Variants in ATRNL1 observed in about 807,000 individuals in gnomAD.
ATRNL1 encodes attractin-like protein 1.
ATRNL1 carries 95 observed loss-of-function variants against 182.7 expected under a neutral mutation model. The observed-to-expected ratio is 0.52, with a 90% confidence interval of 0.44 to 0.62. The LOEUF (loss-of-function observed/expected upper bound fraction) is 0.62, where lower values mean the gene tolerates loss of function less well. Among genes scored for constraint, ATRNL1 ranks in the 20% least tolerant of loss-of-function variants. ATRNL1 has a pLI of 0.00. For missense variants in ATRNL1, 1,471 were observed against 1,679.5 expected (o/e 0.88, Z 2.17); for synonymous variants, 576 against 568.3 (o/e 1.01, Z -0.19).
chr10:115,406,922 C>A (rs1284985361), intron 20 of ATRNL1, among the ~76,000 whole-genome samples: 3 of 151,932 alleles, frequency 2.0e-5, no homozygotes, highest in African/African-American at 4.8e-5. Context: ...TTTAAAAATT[C>A]TTTCTGTTCT....
intron 24 of ATRNL1, among the ~76,000 whole-genome samples, chr10:115,492,631 T>C (rs1210535536): frequency 1.4e-5 from 2 of 145,314 alleles, no homozygotes; most frequent in African/African-American, 5.1e-5. Context: ...ATTCTTTCAT[T>C]TTTACTAAAG....
At chr10:115,782,342 G>A (rs1949285139) in intron 27 of ATRNL1, among the ~76,000 whole-genome samples, 1 of 152,018 alleles carries the variant, frequency 6.6e-6, no homozygotes, top group Admixed American at 6.6e-5. Context: ...GAATAAACAG[G>A]GCAAAATGAA....
At chr10:115,922,997 TATG>T (rs1953113005) in intron 28 of ATRNL1, among the ~76,000 whole-genome samples, 1 of 152,180 alleles carries the variant, frequency 6.6e-6, no homozygotes, top group Non-Finnish European at 1.5e-5. Context: ...CGTAAAGGAA[TATG>T]AATAATTTCC....
chr10:115,561,323 G>C (rs1853693876), intron 26 of ATRNL1, among the ~76,000 whole-genome samples: 1 of 152,114 alleles, frequency 6.6e-6, no homozygotes, highest in Admixed American at 6.5e-5. Context: ...ACTTAAAAAT[G>C]TATAAAGAAT....
chr10:115,220,731 G>C (rs1173437371), intron 9 of ATRNL1, among the ~76,000 whole-genome samples: 2 of 101,164 alleles, frequency 2.0e-5, no homozygotes, highest in African/African-American at 3.4e-5. Flanking sequence ...TAATGGGGGG[G>C]GGGGGGCGGG....
intron 19 of ATRNL1, among the ~76,000 whole-genome samples, chr10:115,348,153 T>C (rs1554940302): frequency 6.6e-6 from 1 of 152,074 alleles, no homozygotes; most frequent in African/African-American, 2.4e-5. Flanking sequence ...TTTGTATTTT[T>C]AGTAGAGATG....
chr10:115,102,766 C>T (rs1216624916), intron 1 of ATRNL1, among the ~76,000 whole-genome samples: 4 of 152,046 alleles, frequency 2.6e-5, no homozygotes, highest in Non-Finnish European at 5.9e-5. Context: ...TGAGATTCCC[C>T]CAACTTTATT....
intron 20 of ATRNL1, among the ~76,000 whole-genome samples, chr10:115,414,800 G>A (rs2134352400): frequency 6.6e-6 from 1 of 151,816 alleles, no homozygotes; most frequent in East Asian, 1.9e-4. Context: ...ACTCTTTTGA[G>A]TTTTACATTT....
intron 19 of ATRNL1, among the ~76,000 whole-genome samples, chr10:115,336,075 G>T (rs1855466276): frequency 6.6e-6 from 1 of 152,048 alleles, no homozygotes; most frequent in Non-Finnish European, 1.5e-5. Context: ...TTTTATATTA[G>T]CTTTACAAAA....
chr10:115,371,346 G>A (rs1170357730), intron 19 of ATRNL1, among the ~76,000 whole-genome samples: 4 of 152,234 alleles, frequency 2.6e-5, no homozygotes, highest in African/African-American at 7.2e-5. Flanking sequence ...CTGGCACCCT[G>A]CATTTGGAAA....
At chr10:115,463,949 T>A (rs1285080159) in intron 22 of ATRNL1, among the ~76,000 whole-genome samples, 1 of 152,062 alleles carries the variant, frequency 6.6e-6, no homozygotes, top group African/African-American at 2.4e-5. Flanking sequence ...GTGAATAATA[T>A]TCCTCCACAG....
At chr10:115,561,668 T>C (rs542357582) in intron 26 of ATRNL1, among the ~76,000 whole-genome samples, 94 of 74,652 alleles carry the variant, frequency 1.3e-3, no homozygotes, top group African/African-American at 3.5e-3. Flanking sequence ...GAGGGACAAC[T>C]CTGTGTGTGT....
intron 27 of ATRNL1, among the ~76,000 whole-genome samples, chr10:115,804,644 A>G (rs1555085225): frequency 6.6e-6 from 1 of 152,178 alleles, no homozygotes; most frequent in African/African-American, 2.4e-5. Context: ...AATTGTTATG[A>G]TAGCCTGAAC....
intron 26 of ATRNL1, among the ~76,000 whole-genome samples, chr10:115,652,753 C>T (rs1438480712): frequency 6.6e-6 from 1 of 151,828 alleles, no homozygotes; most frequent in Non-Finnish European, 1.5e-5. Context: ...ATCCTAAAAG[C>T]CATTAGACAA....
chr10:115,234,789 A>G (rs1345607809), intron 9 of ATRNL1, among the ~76,000 whole-genome samples: 4 of 151,814 alleles, frequency 2.6e-5, no homozygotes, highest in Non-Finnish European at 4.4e-5. Flanking sequence ...GGGTTTTGCT[A>G]TGTTGCCCTG....
At chr10:115,266,203 G>T (rs1002453143) in intron 11 of ATRNL1, among the ~76,000 whole-genome samples, 1 of 151,520 alleles carries the variant, frequency 6.6e-6, no homozygotes, top group Admixed American at 6.6e-5. Flanking sequence ...GCACTGCTTG[G>T]TATTAATTTA....
intron 28 of ATRNL1, among the ~76,000 whole-genome samples, chr10:115,865,920 T>C (rs1951431173): frequency 1.3e-5 from 2 of 152,202 alleles, no homozygotes; most frequent in South Asian, 4.1e-4. Flanking sequence ...CATGTTTATT[T>C]TGTTCATGAG....
intron 5 of ATRNL1, among the ~76,000 whole-genome samples, chr10:115,140,701 T>G (rs1343081084): frequency 1.3e-5 from 2 of 152,190 alleles, no homozygotes; most frequent in Admixed American, 6.5e-5. Context: ...ATGTTTTTAG[T>G]ATTCCTTTTT....
chr10:115,506,139 C>G (rs1554981243), intron 24 of ATRNL1, among the ~76,000 whole-genome samples: 2 of 151,868 alleles, frequency 1.3e-5, no homozygotes, highest in African/African-American at 4.8e-5. Flanking sequence ...TTTTCTCCCC[C>G]ACTACACCAC....
Sources: gnomAD v4.1 joint callset for allele counts (sites outside exome capture counted in the v4.1 genomes callset) on GRCh38, gnomAD v4.1.1 for gene constraint, MANE v1.5 for transcripts, NCBI Gene and HGNC (gene_info 2026-07-23, HGNC 2026-07-21) for gene names.